ATG7: variants seen among roughly 807,000 people sequenced by gnomAD.
ATG7 encodes ubiquitin-like modifier-activating enzyme ATG7.
ATG7 carries 70 observed loss-of-function variants against 82.4 expected under a neutral mutation model. The ratio of observed to expected loss-of-function variants is 0.85; its 90% confidence interval spans 0.70 to 1.04. ATG7 has a LOEUF of 1.04. Among genes scored for constraint, ATG7 ranks in the 50% least tolerant of loss-of-function variants. The pLI is 0.00. For missense variants in ATG7, 792 were observed against 864.3 expected (o/e 0.92, Z 1.05); for synonymous variants, 287 against 313.0 (o/e 0.92, Z 0.88).
At position 11,438,735 on chromosome 3, in the gene ATG7, G is replaced by A. The variant is rs192350976; in HGVS notation, c.2079+11809G>A. Among the ~76,000 whole-genome samples, 473 of 152,212 alleles carry A rather than the reference G, an allele frequency of 3.1e-3. 2 individuals carry two copies. The highest frequency in any genetic ancestry group is 3.0e-3 in the Non-Finnish European group (205 of 68,012). ...GCAAATTAGTGCATTTGCTGGGTAG[G>A]AGAGGTTTTTCAAGATCTAATATGT... On this transcript the variant is annotated intron_variant, in intron 20 of 20. Transcript: ENST00000693202.
At chr3:11,531,689 T>G (rs1170122572) in intron 20 of ATG7, among the ~76,000 whole-genome samples, 2 of 151,950 alleles carry the variant, frequency 1.3e-5, no homozygotes, top group African/African-American at 2.4e-5. Context: ...CTGGGCAACA[T>G]GGCAAAACCC....
intron 14 of ATG7, among the ~76,000 whole-genome samples, chr3:11,351,132 A>G (rs987220856): frequency 6.6e-6 from 1 of 152,070 alleles, no homozygotes; most frequent in African/African-American, 2.4e-5. Flanking sequence ...TAGTTGCTCT[A>G]TTACTTACTT....
chr3:11,548,053 A>G (rs2071438518), intron 20 of ATG7, among the ~76,000 whole-genome samples: 1 of 152,200 alleles, frequency 6.6e-6, no homozygotes, highest in Non-Finnish European at 1.5e-5. Flanking sequence ...TGTGTTTTCC[A>G]GGCTGGTCTT....
intron 19 of ATG7, among the ~76,000 whole-genome samples, chr3:11,380,361 C>G (rs1300059392): frequency 1.3e-5 from 2 of 152,174 alleles, no homozygotes; most frequent in Non-Finnish European, 2.9e-5. Context: ...CAGAGGGTTC[C>G]CTCCTAGCCA....
chr3:11,360,812 T>C, intron 16 of ATG7, 28 bp downstream of exon 16: 1 of 1,611,742 alleles, frequency 6.2e-7, no homozygotes, highest in Non-Finnish European at 8.5e-7. Flanking sequence ...TAGTTCCAAA[T>C]ATTTCCTATC....
At chr3:11,472,235 TC>T (rs2153017493) in intron 20 of ATG7, among the ~76,000 whole-genome samples, 1 of 152,240 alleles carries the variant, frequency 6.6e-6, no homozygotes, top group Non-Finnish European at 1.5e-5. Context: ...ACTTTCCATC[TC>T]CCCCTCTTGC....
At chr3:11,350,078 CA>C (rs796782152) in intron 14 of ATG7, among the ~76,000 whole-genome samples, 15 of 152,154 alleles carry the variant, frequency 9.9e-5, no homozygotes, top group African/African-American at 3.6e-4. Flanking sequence ...ACAAAACAAA[CA>C]AAAAAACCCA....
intron 15 of ATG7, 24 bp from the exon 16 acceptor site, chr3:11,360,557 T>C (rs1363566585): frequency 1.2e-6 from 2 of 1,604,792 alleles, no homozygotes; most frequent in African/African-American, 2.7e-5. Context: ...TTAACTCTGC[T>C]CTTTCATTCC....
At chr3:11,558,918 C>G, downstream of ATG7, 2 of 1,464,890 alleles carry the variant, frequency 1.4e-6, no homozygotes, top group South Asian at 1.3e-5. Flanking sequence ...CAGCCCAGAG[C>G]CGGACTGGCT....
At chr3:11,511,036 C>T (rs1179102257) in intron 20 of ATG7, among the ~76,000 whole-genome samples, 6 of 152,178 alleles carry the variant, frequency 3.9e-5, no homozygotes, top group African/African-American at 7.2e-5. Context: ...TTCGTGGTCT[C>T]GCTGGCTCGG....
At chr3:11,413,074 G>A (rs1243543749) in intron 19 of ATG7, among the ~76,000 whole-genome samples, 2 of 152,082 alleles carry the variant, frequency 1.3e-5, no homozygotes. Context: ...TTTGTAGACT[G>A]TAGGGTTTTG....
At chr3:11,515,658 A>ATG (rs1443155013) in intron 20 of ATG7, among the ~76,000 whole-genome samples, 19 of 152,228 alleles carry the variant, frequency 1.2e-4, no homozygotes, top group African/African-American at 4.6e-4. Flanking sequence ...GCACGGCCAC[A>ATG]TGTATACATT....
At chr3:11,561,427 A>C (rs2072990024), downstream of ATG7, among the ~76,000 whole-genome samples, 1 of 152,168 alleles carries the variant, frequency 6.6e-6, no homozygotes, top group Non-Finnish European at 1.5e-5. Context: ...GAATTGCCTT[A>C]ACCGGTCACC....
chr3:11,389,038 A>G (rs1044267438), intron 19 of ATG7, among the ~76,000 whole-genome samples: 1 of 151,994 alleles, frequency 6.6e-6, no homozygotes, highest in African/African-American at 2.4e-5. Flanking sequence ...ACCTGAGGTC[A>G]GGAGTTCAAG....
intron 20 of ATG7, among the ~76,000 whole-genome samples, chr3:11,525,337 A>G (rs1448018083): frequency 6.6e-6 from 1 of 151,482 alleles, no homozygotes; most frequent in Non-Finnish European, 1.5e-5. Flanking sequence ...AGCCAGTGAA[A>G]GTAGAAATTA....
intron 20 of ATG7, among the ~76,000 whole-genome samples, chr3:11,543,268 C>T (rs1426204582): frequency 1.3e-5 from 2 of 152,210 alleles, no homozygotes; most frequent in Non-Finnish European, 2.9e-5. Flanking sequence ...CCTGGAACCC[C>T]GGAGCAGTGG....
At chr3:11,536,948 G>A (rs1011125943) in intron 20 of ATG7, among the ~76,000 whole-genome samples, 3 of 152,066 alleles carry the variant, frequency 2.0e-5, no homozygotes, top group Admixed American at 6.5e-5. Flanking sequence ...ATCTGAACCC[G>A]TATACTCCCC....
At position 11,417,805 on chromosome 3, in the gene ATG7, A is replaced by ATTATTT. The variant is rs1559578331; in HGVS notation, c.1957-8997_1957-8996insATTTTT. On this transcript the variant is annotated intron_variant, in intron 19 of 20. Coordinates refer to ENST00000693202, the MANE Select transcript of ATG7 (RefSeq NM_001349232.2). ...AAAAAATTATTATTATTATTATTTT[A>ATTATTT]TTTTATTTTATTTTTTTTTTTTTTG... 2.4e-3 allele frequency among the ~76,000 whole-genome samples: 127 copies of ATTATTT among 52,726 alleles called. 1 individual carries two copies. The highest frequency in any genetic ancestry group is 9.9e-3 in the South Asian group (14 of 1,408). 34.6% of individuals were successfully genotyped at this position (52,726 alleles called of 152,430 possible).
At chr3:11,307,903 C>T (rs1462628301) in intron 6 of ATG7, among the ~76,000 whole-genome samples, 1 of 152,184 alleles carries the variant, frequency 6.6e-6, no homozygotes, top group African/African-American at 2.4e-5. Flanking sequence ...AGAGGATGGT[C>T]GTTTTTCTTG....
Sources: allele counts gnomAD v4.1 joint callset (sites outside exome capture counted in the v4.1 genomes callset), GRCh38; gene constraint gnomAD v4.1.1; transcripts MANE v1.5; gene names NCBI Gene and HGNC (gene_info 2026-07-23, HGNC 2026-07-21).